STARD9: variants seen among roughly 807,000 people sequenced by gnomAD.
STARD9 encodes the protein stAR-related lipid transfer protein 9.
In STARD9, 346 loss-of-function variants were observed where a neutral mutation model predicts 399.8. The ratio of observed to expected loss-of-function variants is 0.87; its 90% CI spans 0.79 to 0.95. The LOEUF (loss-of-function observed/expected upper bound fraction) is 0.95, where lower values mean the gene tolerates loss of function less well. Ranked by LOEUF, STARD9 falls within the 40% of genes least tolerant of loss-of-function variation. The pLI is 0.00. For missense variants in STARD9, 5,832 were observed against 5,667.5 expected (o/e 1.03, Z -0.93); for synonymous variants, 2,203 against 2,143.5 (o/e 1.03, Z -0.77).
Position 42,693,615 on chromosome 15 carries a change from A to G in STARD9, c.12037A>G (p.Ser4013Gly), listed in dbSNP as rs747554664. The G allele has an allele frequency of 2.5e-5, 39 of 1,537,158 alleles. No homozygotes were observed. Among genetic ancestry groups the G allele is most frequent in the Middle Eastern group, 3.3e-4 (2 of 6,010 alleles). The change falls in exon 23 of 33, where the codon AGC (serine) becomes GGC (glycine). Residue 4013 changes from serine to glycine, a missense_variant. Ser to Gly is a moderately conservative substitution (Grantham distance 56). Around this residue, in one of 2 missense-constraint regions of STARD9, gnomAD observed 5,828 missense variants for 5,651.1 expected, o/e 1.03. Coordinates refer to ENST00000290607, the MANE Select transcript of STARD9 (RefSeq NM_020759.3). ...LQPRTTIGVQ[S>G]RLLPPPLRHR... Reference sequence around the variant, plus strand: ...GCCCAGGACAACTATCGGGGTCCAAAGCAGACTGCTGCCACCACCACTGAG... The same window carrying G: ...GCCCAGGACAACTATCGGGGTCCAAGGCAGACTGCTGCCACCACCACTGAG...
chr15:42,591,925 A>G (rs952915336), intron 3 of STARD9, among the ~76,000 whole-genome samples: 1 of 152,208 alleles, frequency 6.6e-6, no homozygotes, highest in African/African-American at 2.4e-5. Flanking sequence ...CATTTTGTAG[A>G]TAAGGAAACT....
At chr15:42,651,934 C>T (rs1260131808) in intron 8 of STARD9, among the ~76,000 whole-genome samples, 1 of 152,176 alleles carries the variant, frequency 6.6e-6, no homozygotes, top group Admixed American at 6.6e-5. Context: ...CCTCTCCTGA[C>T]TTTAAGGGTT....
intron 3 of STARD9, among the ~76,000 whole-genome samples, chr15:42,633,924 C>T (rs747888395): frequency 6.6e-6 from 1 of 151,974 alleles, no homozygotes; most frequent in Non-Finnish European, 1.5e-5. Context: ...AATTACAGGC[C>T]TGAGCCACCG....
rs773848882 is a variant in STARD9 at position 42,694,583 on chromosome 15, T to C, written c.12820T>C (p.Phe4274Leu). 1 of 1,537,168 alleles carries C rather than the reference T, an allele frequency of 6.5e-7. No individual in the cohort carries two copies. The highest frequency in any genetic ancestry group is 1.2e-5 in the South Asian group (1 of 84,054). The change falls in exon 24 of 33, where the codon TTC becomes CTC. Residue 4274 changes from phenylalanine (F) to leucine (L), a missense_variant. Physicochemically the swap from Phe to Leu is conservative, Grantham distance 22 (BLOSUM62 0). This residue lies in a region of STARD9 where 5,828 missense variants were observed against 5,651.1 expected (regional missense o/e 1.03). Transcript: ENST00000290607. The stretch of plus-strand genomic sequence containing the variant: ...AGAGCGGGCTGAGCGACTTGGGAAC[T>C]TCTGCCGGACGCGAAGCCTTAGCCC... ...RRERAERLGN[F>L]CRTRSLSPQK... is the part of the protein sequence containing the mutation.
At chr15:42,653,289 C>T (rs947520505) in intron 9 of STARD9, among the ~76,000 whole-genome samples, 7 of 152,048 alleles carry the variant, frequency 4.6e-5, no homozygotes, top group Admixed American at 1.3e-4. Flanking sequence ...CAAAAAGCAA[C>T]TATAAAGCTG....
chr15:42,643,666 T>A (rs984122867), intron 7 of STARD9, among the ~76,000 whole-genome samples: 1 of 152,156 alleles, frequency 6.6e-6, no homozygotes, highest in African/African-American at 2.4e-5. Context: ...CACGCCCAGC[T>A]AATTTTTGTA....
intron 7 of STARD9, among the ~76,000 whole-genome samples, chr15:42,641,890 C>T (rs762003442): frequency 1.3e-5 from 2 of 152,132 alleles, no homozygotes; most frequent in Non-Finnish European, 2.9e-5. Flanking sequence ...AGGCATGAGC[C>T]ACCGCGCCCG....
At chr15:42,696,007 G>GC in intron 26 of STARD9, 127 bp downstream of exon 26, 3 of 989,772 alleles carry the variant, frequency 3.0e-6, no homozygotes, top group Non-Finnish European at 4.3e-6. Context: ...GCTGACATGA[G>GC]CCCTTCTTAT....
intron 3 of STARD9, among the ~76,000 whole-genome samples, chr15:42,603,835 T>A (rs887571287): frequency 2.6e-5 from 4 of 152,000 alleles, no homozygotes; most frequent in African/African-American, 9.7e-5. Context: ...GAATACAGGG[T>A]CTGAAAAATA....
At chr15:42,626,545 G>T (rs1280476899) in intron 3 of STARD9, among the ~76,000 whole-genome samples, 2 of 150,614 alleles carry the variant, frequency 1.3e-5, no homozygotes, top group Non-Finnish European at 3.0e-5. Flanking sequence ...TTGTTGCCCA[G>T]GCTGGAGCGC....
At chr15:42,632,685 TAAAC>T (rs1386803584) in intron 3 of STARD9, among the ~76,000 whole-genome samples, 3 of 152,050 alleles carry the variant, frequency 2.0e-5, no homozygotes, top group Admixed American at 6.6e-5. Flanking sequence ...TTAAAACAAA[TAAAC>T]TAACAAAGAG....
intron 3 of STARD9, among the ~76,000 whole-genome samples, chr15:42,597,692 T>C (rs1252324363): frequency 2.6e-5 from 4 of 151,376 alleles, no homozygotes; most frequent in Non-Finnish European, 5.9e-5. Flanking sequence ...CCTGCCACCA[T>C]GCCCAGCTAA....
chr15:42,653,435 G>A (rs1331284249), intron 9 of STARD9, among the ~76,000 whole-genome samples: 2 of 151,836 alleles, frequency 1.3e-5, no homozygotes, highest in Non-Finnish European at 2.9e-5. Context: ...GAAGCTCAAA[G>A]GACTCCAAGT....
chr15:42,616,697 C>T (rs892505321), intron 3 of STARD9, among the ~76,000 whole-genome samples: 3 of 151,904 alleles, frequency 2.0e-5, no homozygotes, highest in African/African-American at 4.8e-5. Context: ...CGAGACCATC[C>T]TGGCTAACAC....
At chr15:42,602,833 G>A (rs1267866113) in intron 3 of STARD9, among the ~76,000 whole-genome samples, 8 of 152,302 alleles carry the variant, frequency 5.3e-5, no homozygotes, top group African/African-American at 1.4e-4. Context: ...TGCAAATGAA[G>A]CCAAGACCCC....
rs150519590 is a variant in STARD9 at position 42,615,189 on chromosome 15, T to C, written c.235-19667T>C. ...ATGCTGGCTAATTTTTTTGTATTTTTAGTAGAGAGAGCGTTTCACTATGTT... is the reference window on the plus strand; with the variant it reads ...ATGCTGGCTAATTTTTTTGTATTTTCAGTAGAGAGAGCGTTTCACTATGTT... On this transcript the variant is annotated intron_variant, in intron 3 of 32. Coordinates refer to ENST00000290607, the MANE Select transcript of STARD9 (RefSeq NM_020759.3). 3.4e-3 allele frequency among the ~76,000 whole-genome samples: 512 copies of C among 151,940 alleles called. 1 individual carries two copies. The highest frequency in any genetic ancestry group is 0.02 in the Middle Eastern group (6 of 294).
chr15:42,690,415 AAG>A lies in STARD9; in HGVS notation c.8842_8843del (p.Ser2948GlnfsTer30), dbSNP rs2060663326. The A allele has an allele frequency of 3.9e-6, 6 of 1,537,232 alleles. No homozygotes were observed. The East Asian group carries it at 7.3e-5, about 19-fold the overall frequency. ...AGGACTCTCAGCCCGTCTAGAGGGAAAGAGAGCAGAACTCTTCCTTGCCGACA... is the reference window on the plus strand; with the variant it reads ...AGGACTCTCAGCCCGTCTAGAGGGAAAGAGCAGAACTCTTCCTTGCCGACA... On this transcript the variant is annotated frameshift_variant, in exon 23 of 33. Coordinates refer to ENST00000290607, the MANE Select transcript of STARD9 (RefSeq NM_020759.3). LOFTEE classifies it high-confidence loss of function.
At chr15:42,694,391 G>T in intron 23 of STARD9, 49 bp downstream of exon 23, 1 of 1,535,092 alleles carries the variant, frequency 6.5e-7, no homozygotes. Flanking sequence ...GGGCTGTGAG[G>T]AAAGAGAACC....
At chr15:42,629,107 C>T (rs2059280960) in intron 3 of STARD9, among the ~76,000 whole-genome samples, 1 of 151,942 alleles carries the variant, frequency 6.6e-6, no homozygotes, top group African/African-American at 2.4e-5. Context: ...GTAGCCATGA[C>T]CTCCTGGGTG....
Sources: allele counts gnomAD v4.1 joint callset (sites outside exome capture counted in the v4.1 genomes callset), GRCh38; gene constraint gnomAD v4.1.1; regional missense constraint gnomAD v4.1.1; transcripts MANE v1.5; gene names NCBI Gene and HGNC (gene_info 2026-07-23, HGNC 2026-07-21).